STAG2: variants seen among roughly 807,000 people sequenced by gnomAD.
STAG2 encodes STAG2 cohesin complex component, also known as cohesin subunit SA-2.
STAG2 carries 14 observed loss-of-function variants against 108.1 expected under a neutral mutation model. That is an observed-to-expected ratio of 0.13 (90% CI 0.09 to 0.20). The LOEUF is 0.20. Among genes scored for constraint, STAG2 ranks in the 10% least tolerant of loss-of-function variants. The pLI is 1.00. For missense variants in STAG2, 440 were observed against 940.9 expected, an observed-to-expected ratio of 0.47 and a Z score of 6.96; for synonymous variants, 307 against 302.7, an observed-to-expected ratio of 1.01 and a Z score of -0.15.
chrX:124,087,582 C>T (rs1254507602), intron 30 of STAG2, among the ~76,000 whole-genome samples: 1 of 111,749 alleles, frequency 8.9e-6, no homozygotes, highest in Admixed American at 9.5e-5. Flanking sequence ...CGTGTGACTT[C>T]TCCATGTCAG....
At position 124,050,175 on chromosome X, in the gene STAG2, C is replaced by G; in HGVS notation, c.894-11C>G. 8.3e-7 allele frequency: 1 copy of G among 1,205,794 alleles called. No homozygotes were observed. Among genetic ancestry groups the G allele is most frequent in the Non-Finnish European group, 1.1e-6 (1 of 892,828 alleles). On this transcript the variant is annotated splice_polypyrimidine_tract_variant and intron_variant, in intron 10 of 34. Coordinates refer to ENST00000371145, the MANE Select transcript of STAG2 (RefSeq NM_001042750.2). ...CACTAATTATGCATCGTTTTTCCTT[C>G]CCCCATTCAGTGATGCGATAGCTGA...
chrX:124,038,653 A>G (rs1179904499), intron 6 of STAG2, among the ~76,000 whole-genome samples: 1 of 111,656 alleles, frequency 9.0e-6, no homozygotes, highest in African/African-American at 3.3e-5. Flanking sequence ...TAGTATGTGT[A>G]TTAAATGTTA....
At chrX:124,045,490 A>T in intron 8 of STAG2, 122 bp downstream of exon 8, 4 of 594,097 alleles carry the variant, frequency 6.7e-6, no homozygotes, top group Non-Finnish European at 1.0e-5. Flanking sequence ...GACCACTAAG[A>T]GGACACTCCC....
At chrX:123,966,475 C>G (rs1008915406) in intron 1 of STAG2, among the ~76,000 whole-genome samples, 1 of 109,910 alleles carries the variant, frequency 9.1e-6, no homozygotes, top group African/African-American at 3.3e-5. Context: ...AAAAAAAGTT[C>G]TTAACATTTT....
intron 19 of STAG2, 25 bp from the exon 20 acceptor site, chrX:124,063,823 G>GATGAAAA: frequency 8.4e-7 from 1 of 1,186,799 alleles, no homozygotes; most frequent in Non-Finnish European, 1.1e-6. Context: ...CCTTAGTTTT[G>GATGAAAA]ATGAAAAATA....
At chrX:124,019,652 C>T (rs1264457456) in intron 1 of STAG2, among the ~76,000 whole-genome samples, 2 of 111,089 alleles carry the variant, frequency 1.8e-5, no homozygotes, top group Admixed American at 1.9e-4. Flanking sequence ...ATATATGTAC[C>T]TGGCTGGGCG....
intron 5 of STAG2, among the ~76,000 whole-genome samples, chrX:124,032,915 A>T (rs1432644129): frequency 8.9e-6 from 1 of 112,424 alleles, no homozygotes; most frequent in Non-Finnish European, 1.9e-5. Context: ...AGAAATATAG[A>T]ATTAGCTTAA....
chrX:123,977,492 T>G, intron 1 of STAG2, among the ~76,000 whole-genome samples: 1 of 111,429 alleles, frequency 9.0e-6, no homozygotes, highest in Non-Finnish European at 1.9e-5. Flanking sequence ...TAGTTCTTCA[T>G]AAAAAGTAGA....
intron 1 of STAG2, among the ~76,000 whole-genome samples, chrX:124,000,318 CTG>C (rs894032202): frequency 1.8e-5 from 2 of 111,429 alleles, no homozygotes; most frequent in East Asian, 2.8e-4. Context: ...TTGGTAATAA[CTG>C]TGTTACTTGT....
intron 1 of STAG2, among the ~76,000 whole-genome samples, chrX:124,012,329 G>T (rs759220957): frequency 3.4e-4 from 38 of 111,748 alleles, no homozygotes; most frequent in Non-Finnish European, 6.2e-4. Context: ...CTTTGTCTAG[G>T]AATGTTTAAG....
At position 124,045,284 on chromosome X, in the gene STAG2, T is replaced by A. The variant is rs2148180000; in HGVS notation, c.583T>A (p.Tyr195Asn). 1 of 1,209,695 alleles carries A rather than the reference T, an allele frequency of 8.3e-7. No homozygotes were observed. Among genetic ancestry groups the A allele is most frequent in the Non-Finnish European group, 1.1e-6 (1 of 894,303 alleles). The change falls in exon 8 of 35, where the codon TAT (tyrosine) becomes AAT (asparagine). Residue 195 changes from tyrosine (Y) to asparagine (N), a missense_variant. Coordinates refer to ENST00000371145, the MANE Select transcript of STAG2 (RefSeq NM_001042750.2). Reference protein sequence around the residue: ...QCQYSIIYDEYMMDTVISLLT... With the variant: ...QCQYSIIYDENMMDTVISLLT... ...TCAATATAGTATCATATATGATGAGTATATGATGGATACAGTCATTTCACT... is the reference window on the plus strand; with the variant it reads ...TCAATATAGTATCATATATGATGAGAATATGATGGATACAGTCATTTCACT...
chrX:124,085,690 G>T (rs1471158002), intron 29 of STAG2, among the ~76,000 whole-genome samples: 2 of 103,506 alleles, frequency 1.9e-5, no homozygotes, highest in African/African-American at 7.1e-5. Context: ...CAGGAGAATC[G>T]CTTGAACCTG....
intron 13 of STAG2, among the ~76,000 whole-genome samples, chrX:124,055,262 G>A (rs981473487): frequency 5.3e-5 from 6 of 112,559 alleles, no homozygotes; most frequent in Non-Finnish European, 9.4e-5. Context: ...AAACCAAAAA[G>A]TAAAGAGGAT....
intron 1 of STAG2, among the ~76,000 whole-genome samples, chrX:123,968,831 T>C (rs1267782746): frequency 8.9e-6 from 1 of 112,271 alleles, no homozygotes; most frequent in African/African-American, 3.2e-5. Context: ...CTGTTTAATC[T>C]TCTCAACCAC....
At chrX:123,990,014 T>G (rs1335545718) in intron 1 of STAG2, among the ~76,000 whole-genome samples, 1 of 112,124 alleles carries the variant, frequency 8.9e-6, no homozygotes, top group Non-Finnish European at 1.9e-5. Context: ...GACTGCAAGT[T>G]GTCCAGGTTC....
intron 34 of STAG2, among the ~76,000 whole-genome samples, chrX:124,095,918 G>T (rs2059364948): frequency 9.1e-6 from 1 of 109,815 alleles, no homozygotes; most frequent in African/African-American, 3.3e-5. Flanking sequence ...ATGAGAGTCA[G>T]TTACCACTCC....
intron 1 of STAG2, among the ~76,000 whole-genome samples, chrX:124,010,521 C>T (rs2056488150): frequency 9.0e-6 from 1 of 111,329 alleles, no homozygotes; most frequent in Admixed American, 9.7e-5. Context: ...TTATCCATAT[C>T]TGTTCTATTC....
At chrX:124,082,587 T>G (rs1439078053) in intron 28 of STAG2, among the ~76,000 whole-genome samples, 1 of 110,517 alleles carries the variant, frequency 9.0e-6, no homozygotes, top group African/African-American at 3.3e-5. Context: ...AGAGACAGGG[T>G]CTCACCATGT....
chrX:123,988,977 A>G (rs2147739972), intron 1 of STAG2, among the ~76,000 whole-genome samples: 1 of 110,781 alleles, frequency 9.0e-6, no homozygotes, highest in East Asian at 2.8e-4. Context: ...TTCTCCCCTC[A>G]GCCCCCACCA....
Sources: gnomAD v4.1 joint callset for allele counts (sites outside exome capture counted in the v4.1 genomes callset) on GRCh38, gnomAD v4.1.1 for gene constraint, MANE v1.5 for transcripts, NCBI Gene and HGNC (gene_info 2026-07-23, HGNC 2026-07-21) for gene names.